The following SFXN5 variants were observed in gnomAD, a reference collection of about 807,000 sequenced individuals.
The protein encoded by SFXN5 is sideroflexin 5, also known as sideroflexin-5.
SFXN5 carries 43 observed loss-of-function variants against 50.2 expected under a neutral mutation model. The ratio of observed to expected loss-of-function variants is 0.86; its 90% confidence interval spans 0.67 to 1.11. The LOEUF (loss-of-function observed/expected upper bound fraction) is 1.11, where lower values mean the gene tolerates loss of function less well. Ranked by LOEUF, SFXN5 falls within the 50% of genes least tolerant of loss-of-function variation. The pLI, the probability that SFXN5 is intolerant of heterozygous loss-of-function variation, is 0.00. For synonymous variants in SFXN5, 203 were observed against 185.8 expected (o/e 1.09, Z -0.75); for missense variants, 463 against 454.1 (o/e 1.02, Z -0.18).
At chr2:72,995,964 G>A (rs184384259) in intron 9 of SFXN5, among the ~76,000 whole-genome samples, 4 of 152,340 alleles carry the variant, frequency 2.6e-5, no homozygotes, top group East Asian at 1.9e-4. Context: ...CTCGCAGATC[G>A]GAGGGGCCTC....
intron 11 of SFXN5, among the ~76,000 whole-genome samples, chr2:72,970,334 G>A (rs1466347331): frequency 6.6e-6 from 1 of 152,224 alleles, no homozygotes; most frequent in African/African-American, 2.4e-5. Flanking sequence ...GGGAATGACA[G>A]GAGGGTCCAG....
chr2:72,986,766 C>T (rs1434209917), intron 10 of SFXN5, among the ~76,000 whole-genome samples: 2 of 152,182 alleles, frequency 1.3e-5, no homozygotes, highest in African/African-American at 4.8e-5. Flanking sequence ...AGTTTTGTGG[C>T]ATCTCCAGGG....
chr2:73,061,304 T>C (rs927530430), intron 1 of SFXN5, among the ~76,000 whole-genome samples: 2 of 140,646 alleles, frequency 1.4e-5, no homozygotes, highest in Non-Finnish European at 3.0e-5. Flanking sequence ...CAAGACTCTG[T>C]CTCAAAAAAA....
intron 1 of SFXN5, chr2:73,058,889 C>A (rs923723958): frequency 5.1e-6 from 2 of 389,586 alleles, no homozygotes; most frequent in Non-Finnish European, 8.7e-6. Flanking sequence ...CTATTCTGAG[C>A]CTATTAAAAG....
chr2:73,004,634 G>A (rs1242754902), intron 6 of SFXN5, among the ~76,000 whole-genome samples: 2 of 152,072 alleles, frequency 1.3e-5, no homozygotes, highest in Non-Finnish European at 2.9e-5. Context: ...AGGTCTGGGA[G>A]ACCAGAGGGA....
chr2:73,065,080 C>G (rs1396961151), intron 1 of SFXN5, among the ~76,000 whole-genome samples: 4 of 151,646 alleles, frequency 2.6e-5, no homozygotes, highest in Non-Finnish European at 5.9e-5. Flanking sequence ...AGCCACCACA[C>G]CTCGCCAGAA....
rs1674700698 is a variant in SFXN5, at chr2:73,006,598, G to T, written c.358-5020C>A. 2.0e-5 allele frequency among the ~76,000 whole-genome samples: 3 copies of T among 151,854 alleles called. No homozygotes were observed. In the South Asian group the frequency reaches 6.3e-4, roughly 32 times the overall value. ...GATCACACCACTGCACTCCAGCCTG[G>T]GCGACAGAGCCCAAAGAGCGAGATT... On this transcript the variant is annotated intron_variant, in intron 6 of 13. Transcript: ENST00000272433.
At chr2:72,991,688 T>C (rs77372166) in intron 9 of SFXN5, among the ~76,000 whole-genome samples, 2,164 of 152,330 alleles carry the variant, frequency 0.014, 44 homozygotes, top group African/African-American at 0.05. Flanking sequence ...CCCTTTGGCC[T>C]TGAACATTTG....
chr2:73,007,739 G>A (rs1309375923), intron 6 of SFXN5, among the ~76,000 whole-genome samples: 1 of 152,060 alleles, frequency 6.6e-6, no homozygotes, highest in Non-Finnish European at 1.5e-5. Context: ...TCCACCATGG[G>A]CCGCAGTACC....
At chr2:72,991,810 A>G (rs1298347039) in intron 9 of SFXN5, among the ~76,000 whole-genome samples, 1 of 152,246 alleles carries the variant, frequency 6.6e-6, no homozygotes, top group Non-Finnish European at 1.5e-5. Context: ...TTAATGGCAC[A>G]CAGCTCATCA....
intron 8 of SFXN5, 88 bp from the exon 9 acceptor site, chr2:72,999,102 A>G: frequency 2.1e-6 from 3 of 1,406,416 alleles, no homozygotes; most frequent in Non-Finnish European, 3.0e-6. Context: ...AGCAAGAAGC[A>G]TCCTGCCCAC....
chr2:73,021,738 A>T (rs1676921730), intron 5 of SFXN5, among the ~76,000 whole-genome samples: 1 of 152,006 alleles, frequency 6.6e-6, no homozygotes, highest in Non-Finnish European at 1.5e-5. Context: ...CTCCCATTCC[A>T]CCCTCATAAT....
chr2:73,053,690 C>T (rs1300608564), intron 2 of SFXN5: 1 of 152,202 alleles, frequency 6.6e-6, no homozygotes, highest in Non-Finnish European at 1.5e-5. Context: ...TCCATTGATT[C>T]AGCTAATGTC....
chr2:73,059,683 C>T, intron 1 of SFXN5: 7 of 964,352 alleles, frequency 7.3e-6, no homozygotes, highest in Non-Finnish European at 8.5e-6. Context: ...TGCTGTCTCT[C>T]ACAAACCAGA....
At chr2:72,978,729 A>T (rs551558836) in intron 10 of SFXN5, among the ~76,000 whole-genome samples, 3 of 152,292 alleles carry the variant, frequency 2.0e-5, no homozygotes, top group African/African-American at 7.2e-5. Flanking sequence ...GTACCCTCTA[A>T]TGTGTCCATT....
chr2:73,032,175 T>C (rs1559178397), intron 3 of SFXN5, among the ~76,000 whole-genome samples: 3 of 152,144 alleles, frequency 2.0e-5, no homozygotes, highest in East Asian at 3.9e-4. Context: ...TCCTAGGGTG[T>C]CAAGAGTTCG....
chr2:72,968,278 T>C (rs1251271283), intron 12 of SFXN5, among the ~76,000 whole-genome samples, 170 bp downstream of exon 12: 2 of 152,130 alleles, frequency 1.3e-5, no homozygotes, highest in African/African-American at 4.8e-5. Flanking sequence ...AGAGTGATTC[T>C]GTGGCACTAC....
At chr2:73,050,392 G>GCACACACACACA (rs35090808) in intron 2 of SFXN5, among the ~76,000 whole-genome samples, 1 of 146,508 alleles carries the variant, frequency 6.8e-6, no homozygotes, top group African/African-American at 2.6e-5. Flanking sequence ...CACAGCGCAC[G>GCACACACACACA]CACACACACA....
chr2:73,007,163 C>T (rs770774924), intron 6 of SFXN5, among the ~76,000 whole-genome samples: 4 of 152,100 alleles, frequency 2.6e-5, no homozygotes, highest in Non-Finnish European at 4.4e-5. Flanking sequence ...GTTCTGTGTA[C>T]GATGATATCA....
Sources: gnomAD v4.1 joint callset for allele counts (sites outside exome capture counted in the v4.1 genomes callset) on GRCh38, gnomAD v4.1.1 for gene constraint, MANE v1.5 for transcripts, NCBI Gene and HGNC (gene_info 2026-07-23, HGNC 2026-07-21) for gene names.